Variants in ATXN1 observed in about 807,000 individuals in gnomAD.
ATXN1 encodes ataxin 1, also known as ataxin-1.
ATXN1 carries 8 observed loss-of-function variants against 56.4 expected under a neutral mutation model. That is an observed-to-expected ratio of 0.14 (90% CI 0.08 to 0.26). The LOEUF (loss-of-function observed/expected upper bound fraction) is 0.26. Ranked by LOEUF, ATXN1 falls within the 10% of genes least tolerant of loss-of-function variation. ATXN1 has a pLI of 1.00. For synonymous variants in ATXN1, 514 were observed against 494.6 expected (o/e 1.04, Z -0.52); for missense variants, 987 against 1,106.5 (o/e 0.89, Z 1.53).
At chr6:16,435,819 T>C (rs1759376693) in intron 6 of ATXN1, among the ~76,000 whole-genome samples, 1 of 152,280 alleles carries the variant, frequency 6.6e-6, no homozygotes, top group East Asian at 1.9e-4. Flanking sequence ...AGTTACTTTA[T>C]TTCTCTAGGG....
At chr6:16,559,005 T>C (rs1045322556) in intron 4 of ATXN1, among the ~76,000 whole-genome samples, 3 of 150,916 alleles carry the variant, frequency 2.0e-5, no homozygotes, top group Non-Finnish European at 4.4e-5. Flanking sequence ...GAAAAGAAAA[T>C]AGGAACGGCT....
At chr6:16,482,632 G>T (rs938837066) in intron 6 of ATXN1, among the ~76,000 whole-genome samples, 1 of 152,034 alleles carries the variant, frequency 6.6e-6, no homozygotes, top group Non-Finnish European at 1.5e-5. Flanking sequence ...TTCAAAAATC[G>T]TTCCTGTTTA....
intron 6 of ATXN1, among the ~76,000 whole-genome samples, chr6:16,376,952 A>T (rs1327578135): frequency 6.6e-6 from 1 of 152,268 alleles, no homozygotes; most frequent in Non-Finnish European, 1.5e-5. Flanking sequence ...TATAACCTGC[A>T]GGAACCTAGC....
At chr6:16,621,527 C>T (rs1335213116) in intron 3 of ATXN1, among the ~76,000 whole-genome samples, 4 of 152,118 alleles carry the variant, frequency 2.6e-5, no homozygotes, top group African/African-American at 9.7e-5. Context: ...TTCAAGACCA[C>T]CCTGGCCAAC....
chr6:16,601,853 A>G (rs1328281866), intron 3 of ATXN1, among the ~76,000 whole-genome samples: 1 of 152,162 alleles, frequency 6.6e-6, no homozygotes, highest in Admixed American at 6.5e-5. Flanking sequence ...ACTTTGTCTC[A>G]AAAAAGAAAA....
At chr6:16,572,352 A>G (rs1428204972) in intron 4 of ATXN1, among the ~76,000 whole-genome samples, 2 of 152,186 alleles carry the variant, frequency 1.3e-5, no homozygotes, top group African/African-American at 4.8e-5. Flanking sequence ...AGGGACGGAG[A>G]TCTTCGAAGA....
Position 16,326,568 on chromosome 6 carries a change from C to T in ATXN1, c.1743G>A (p.Gln581=). 6.2e-7 allele frequency: 1 copy of T among 1,614,196 alleles called. No individual in the cohort carries two copies. Among genetic ancestry groups the T allele is most frequent in the East Asian group, 2.2e-5 (1 of 44,882 alleles). Residue 581 remains glutamine (Q), a synonymous_variant, in exon 7 of 8, where the codon CAG becomes CAA. Coordinates refer to ENST00000436367, the MANE Select transcript of ATXN1 (RefSeq NM_001128164.2). The surrounding 1 kb of genome is among the most constrained non-coding windows in gnomAD (Gnocchi z 6.6). ...PPYFMKGSII[Q]LANGELKKVE... ...CCTTCTTTAGCTCCCCGTTGGCCAA[C>T]TGGATGATGGAGCCTTTCATGAAGT...
intron 4 of ATXN1, among the ~76,000 whole-genome samples, chr6:16,571,776 T>C (rs1762336381): frequency 6.6e-6 from 1 of 152,112 alleles, no homozygotes; most frequent in Admixed American, 6.5e-5. Context: ...TCCTCCTACA[T>C]AAGCCTCCCA....
chr6:16,428,652 T>G (rs1417431976), intron 6 of ATXN1, among the ~76,000 whole-genome samples: 2 of 152,082 alleles, frequency 1.3e-5, no homozygotes, highest in Admixed American at 1.3e-4. Context: ...GTTTCAGCAC[T>G]TACCCCAATT....
chr6:16,675,862 C>T (rs1280661983), intron 2 of ATXN1, among the ~76,000 whole-genome samples: 1 of 151,986 alleles, frequency 6.6e-6, no homozygotes, highest in East Asian at 1.9e-4. Flanking sequence ...GCACTCCAGC[C>T]TGGGTGACGG....
chr6:16,322,910 A>G (rs1259142578), intron 7 of ATXN1, among the ~76,000 whole-genome samples: 2 of 152,148 alleles, frequency 1.3e-5, no homozygotes, highest in Non-Finnish European at 2.9e-5. Flanking sequence ...TTTTGTTTCT[A>G]CAGCGTGAAG....
intron 2 of ATXN1, among the ~76,000 whole-genome samples, chr6:16,696,306 C>T (rs1167930592): frequency 6.6e-6 from 1 of 152,138 alleles, no homozygotes; most frequent in East Asian, 1.9e-4. Flanking sequence ...GTAGATAGGA[C>T]AGAGGCTGTG....
At chr6:16,424,620 G>A (rs141862886) in intron 6 of ATXN1, among the ~76,000 whole-genome samples, 1 of 152,324 alleles carries the variant, frequency 6.6e-6, no homozygotes, top group Non-Finnish European at 1.5e-5. Flanking sequence ...GTCTCTGTCT[G>A]CCCTGCTACT....
chr6:16,692,164 T>C (rs776413262), intron 2 of ATXN1, among the ~76,000 whole-genome samples: 1 of 152,144 alleles, frequency 6.6e-6, no homozygotes, highest in Non-Finnish European at 1.5e-5. Flanking sequence ...GCTGAGACAG[T>C]AGAATTGCTT....
intron 6 of ATXN1, among the ~76,000 whole-genome samples, chr6:16,412,346 C>G (rs898167977): frequency 6.6e-6 from 1 of 152,124 alleles, no homozygotes; most frequent in South Asian, 2.1e-4. Flanking sequence ...CTGCGTGTCC[C>G]TTATCATCTA....
chr6:16,328,186 C>G lies in ATXN1; in HGVS notation c.125G>C (p.Gly42Ala), dbSNP rs146653003. 479 of 1,597,152 alleles carry G rather than the reference C, an allele frequency of 3.0e-4. 4 individuals carry two copies. The highest frequency in any genetic ancestry group is 5.3e-5 in the Non-Finnish European group (62 of 1,169,222). ...AGGGTTGCCCGGGAGCCATGCTGTG[C>G]CCTCCACCCGGTGGTTGTCGCTGGG... ...TLPSDNHRVEGTAWLPGNPGG... is the reference protein window; with the variant it reads ...TLPSDNHRVEATAWLPGNPGG... The change falls in exon 7 of 8, where the codon GGC becomes GCC. Residue 42 changes from glycine to alanine, a missense_variant. By Grantham distance (60) the Gly-to-Ala change is moderately conservative. Around this residue, in one of 3 missense-constraint regions of ATXN1, gnomAD observed 723 missense variants for 791.7 expected, o/e 0.91. Coordinates refer to ENST00000436367, the MANE Select transcript of ATXN1 (RefSeq NM_001128164.2). The surrounding 1 kb of genome is among the most constrained non-coding windows in gnomAD (Gnocchi z 6.2).
In ATXN1 at chr6:16,355,302, G is replaced by C. The variant is rs558664687; in HGVS notation, c.-160-26832C>G. ...CCAGGGGCACCTAAAACCAGTAGTG[G>C]TAATCCAATTTTACGGAAAACTGCA... On this transcript the variant is annotated intron_variant, in intron 6 of 7. Transcript: ENST00000436367. Among the ~76,000 whole-genome samples the C allele has an allele frequency of 6.6e-5, 10 of 152,306 alleles. No individual in the cohort carries two copies. In the South Asian group the frequency reaches 1.9e-3, roughly 28 times the overall value.
rs757064338 is a variant in ATXN1 at position 16,327,342 on chromosome 6, G to A, written c.969C>T (p.Val323=). The change falls in exon 7 of 8, where the codon GTC becomes GTT. Residue 323 remains valine, a synonymous_variant. Transcript: ENST00000436367. ...RLQQAIQAKE[V]LNGEMEKSRR... is the part of the protein sequence containing the mutation. ...GGCTCTTCTCCATCTCACCGTTCAG[G>A]ACCTCCTTGGCCTGGATGGCCTGCT... is the stretch of plus-strand genomic sequence containing the variant. 3 of 1,613,266 alleles carry A rather than the reference G, an allele frequency of 1.9e-6. No individual in the cohort carries two copies. Among genetic ancestry groups the A allele is most frequent in the African/African-American group, 2.7e-5 (2 of 74,930 alleles).
chr6:16,495,224 C>T (rs1430701282), intron 5 of ATXN1, among the ~76,000 whole-genome samples: 1 of 152,156 alleles, frequency 6.6e-6, no homozygotes, highest in African/African-American at 2.4e-5. Flanking sequence ...TTTTTAATAA[C>T]ACAATTAGTA....
Sources: gnomAD v4.1 joint callset for allele counts (sites outside exome capture counted in the v4.1 genomes callset) on GRCh38, gnomAD v4.1.1 for gene constraint, gnomAD v4.1.1 regional missense constraint, Gnocchi (gnomAD v3.1) non-coding constraint, MANE v1.5 for transcripts, NCBI Gene and HGNC (gene_info 2026-07-23, HGNC 2026-07-21) for gene names.